The following PAX3 variants were observed in gnomAD, a reference collection of about 807,000 sequenced individuals.
PAX3 encodes paired box protein Pax-3.
In PAX3, 14 loss-of-function variants were observed where a neutral mutation model predicts 51.6. The ratio of observed to expected loss-of-function variants is 0.27; its 90% confidence interval spans 0.18 to 0.42. The LOEUF is 0.42. PAX3 is among the 10% of genes least tolerant of loss of function. PAX3 has a pLI of 1.00. For missense variants in PAX3, 540 were observed against 642.8 expected (o/e 0.84, Z 1.73); for synonymous variants, 280 against 253.4 (o/e 1.11, Z -1.00).
intron 4 of PAX3, among the ~76,000 whole-genome samples, chr2:222,256,705 T>C (rs1478512412): frequency 2.0e-5 from 3 of 152,228 alleles, no homozygotes; most frequent in African/African-American, 7.2e-5. Context: ...CTAAACATCA[T>C]AAAGTGAATA....
intron 4 of PAX3, among the ~76,000 whole-genome samples, chr2:222,266,438 C>T (rs1430650): frequency 2.0e-5 from 3 of 152,298 alleles, no homozygotes; most frequent in African/African-American, 7.2e-5. Context: ...TATAGAGCTA[C>T]CAGCTGCAGA....
chr2:222,293,415 A>G (rs966309232), intron 4 of PAX3, among the ~76,000 whole-genome samples: 1 of 150,580 alleles, frequency 6.6e-6, no homozygotes, highest in African/African-American at 2.4e-5. Flanking sequence ...AGCAAGCTGC[A>G]CTTCTGTCTC....
At chr2:222,294,753 T>TC in intron 3 of PAX3, among the ~76,000 whole-genome samples, 1 of 94,992 alleles carries the variant, frequency 1.1e-5, no homozygotes. Context: ...AGCCGACTTG[T>TC]CCGCGCCCCC....
At chr2:222,280,178 T>G (rs1309523056) in intron 4 of PAX3, among the ~76,000 whole-genome samples, 1 of 151,042 alleles carries the variant, frequency 6.6e-6, no homozygotes, top group Non-Finnish European at 1.5e-5. Context: ...GCTGTTGCAC[T>G]GCAGCCTGGG....
rs750407449 is a variant in PAX3, at chr2:222,220,352, C to T, written c.961G>A (p.Val321Met). ...TGAACGGTGCTGCTGGGATCTGACACAGCTGAAATGAAAAAGATTGTCAAC... is the reference window on the plus strand; with the variant it reads ...TGAACGGTGCTGCTGGGATCTGACATAGCTGAAATGAAAAAGATTGTCAAC... ...SYQPTSIPQA[V>M]SDPSSTVHRP... Residue 321 changes from valine to methionine, a missense_variant and splice_region_variant, in exon 7 of 9, where the codon GTG becomes ATG. Around this residue, in one of 3 missense-constraint regions of PAX3, gnomAD observed 427 missense variants for 483.6 expected, o/e 0.88. Coordinates refer to ENST00000392070, the MANE Select transcript of PAX3 (RefSeq NM_181458.4). 2.5e-6 allele frequency: 4 copies of T among 1,613,848 alleles called. No homozygotes were observed. The highest frequency in any genetic ancestry group is 3.4e-6 in the Non-Finnish European group (4 of 1,179,806).
At chr2:222,255,360 C>A (rs1693599512) in intron 4 of PAX3, among the ~76,000 whole-genome samples, 1 of 152,134 alleles carries the variant, frequency 6.6e-6, no homozygotes, top group African/African-American at 2.4e-5. Flanking sequence ...GCTGGAGAAT[C>A]CCCACTAGGT....
At chr2:222,281,531 A>G (rs1694646432) in intron 4 of PAX3, among the ~76,000 whole-genome samples, 1 of 152,220 alleles carries the variant, frequency 6.6e-6, no homozygotes, top group African/African-American at 2.4e-5. Context: ...CAGTCTGATG[A>G]TCTGTCAGTA....
intron 4 of PAX3, among the ~76,000 whole-genome samples, chr2:222,254,812 T>C (rs1054901213): frequency 1.4e-4 from 21 of 152,194 alleles, no homozygotes; most frequent in African/African-American, 4.8e-4. Context: ...AGACTTAGTC[T>C]TGCTCTATTG....
At chr2:222,222,328 C>T (rs1251052975) in intron 5 of PAX3, among the ~76,000 whole-genome samples, 2 of 152,080 alleles carry the variant, frequency 1.3e-5, no homozygotes, top group East Asian at 3.9e-4. Flanking sequence ...ACGGAGCACA[C>T]ATGATGTTTC....
chr2:222,235,258 G>A (rs1308465624), intron 4 of PAX3, among the ~76,000 whole-genome samples: 1 of 152,092 alleles, frequency 6.6e-6, no homozygotes, highest in Non-Finnish European at 1.5e-5. Context: ...ATATAAACTG[G>A]GTGAGCTCAA....
chr2:222,291,446 T>C (rs1369754839), intron 4 of PAX3, among the ~76,000 whole-genome samples: 1 of 152,156 alleles, frequency 6.6e-6, no homozygotes, highest in Non-Finnish European at 1.5e-5. Flanking sequence ...GCTCAGCTCT[T>C]GAATTGAGCG....
In PAX3 at chr2:222,297,080, C is replaced by T. The variant is rs1695339903; in HGVS notation, c.219G>A (p.Ser73=). The change falls in exon 2 of 9, where the codon TCG becomes TCA. Residue 73 remains serine (S), a synonymous_variant. Coordinates refer to ENST00000392070, the MANE Select transcript of PAX3 (RefSeq NM_181458.4). ...AHHGIRPCVI[S]RQLRVSHGCV... ...AGCCGTGGGACACGCGCAGCTGGCG[C>T]GAGATGACGCAGGGCCGGATGCCGT... The T allele has an allele frequency of 3.7e-6, 6 of 1,614,028 alleles. No homozygotes were observed. The highest frequency in any genetic ancestry group is 5.1e-6 in the Non-Finnish European group (6 of 1,180,024).
intron 4 of PAX3, chr2:222,293,627 C>G: frequency 6.2e-7 from 1 of 1,613,372 alleles, no homozygotes; most frequent in Non-Finnish European, 8.5e-7. Flanking sequence ...TCAAACAAAT[C>G]AAACCAGTCA....
chr2:222,288,072 G>A (rs45596033), intron 4 of PAX3, among the ~76,000 whole-genome samples: 158 of 152,288 alleles, frequency 1.0e-3, no homozygotes, highest in African/African-American at 3.6e-3. Flanking sequence ...AGATTCGTTT[G>A]CAGGATTTTT....
chr2:222,297,139 G>A lies in PAX3; in HGVS notation c.160C>T (p.His54Tyr). 6.2e-7 allele frequency: 1 copy of A among 1,609,468 alleles called. No individual in the cohort carries two copies. Among genetic ancestry groups the A allele is most frequent in the Non-Finnish European group, 8.5e-7 (1 of 1,178,398 alleles). The change falls in exon 2 of 9, where the codon CAC becomes TAC. Residue 54 changes from histidine (H) to tyrosine (Y), a missense_variant. Physicochemically the swap from His to Tyr is moderately conservative, Grantham distance 83. Transcript: ENST00000392070. ...ATCTCCACGATCTTGTGGCGGATGT[G>A]GTTGGGCAGCGGCCTGCCGTTGATA... ...VFINGRPLPN[H>Y]IRHKIVEMAH...
chr2:222,270,369 GTT>G (rs947147960), intron 4 of PAX3, among the ~76,000 whole-genome samples: 9 of 152,186 alleles, frequency 5.9e-5, no homozygotes, highest in African/African-American at 1.9e-4. Flanking sequence ...GGTAAACAGA[GTT>G]TATGTTACCC....
intron 4 of PAX3, among the ~76,000 whole-genome samples, chr2:222,257,719 AGGGCCCTTCGCATCTGACAGCAG>A (rs1386157360): frequency 8.5e-5 from 13 of 152,250 alleles, no homozygotes; most frequent in Non-Finnish European, 1.8e-4. Context: ...TAAAGACTAG[AGGGCCCTTCGCATCTGACAGCAG>A]GGCAGAAGTC....
In PAX3 at chr2:222,201,249, G is replaced by A. The variant is rs1691277940; in HGVS notation, c.*159C>T. 2 of 1,613,944 alleles carry A rather than the reference G, an allele frequency of 1.2e-6. No individual in the cohort carries two copies. The highest frequency in any genetic ancestry group is 1.7e-6 in the Non-Finnish European group (2 of 1,179,948). ...AAAGGATTTGAAACCAACTATTGGA[G>A]GAAGAAAATCAATCACTCTCCTTTG... On this transcript the variant is annotated 3_prime_UTR_variant, in exon 9 of 9. Transcript: ENST00000392070.
chr2:222,257,458 C>T (rs749241706), intron 4 of PAX3, among the ~76,000 whole-genome samples: 2 of 152,098 alleles, frequency 1.3e-5, no homozygotes, highest in Non-Finnish European at 2.9e-5. Context: ...AGTGAATGCT[C>T]AAAAAATAAT....
Sources: allele counts gnomAD v4.1 joint callset (sites outside exome capture counted in the v4.1 genomes callset), GRCh38; gene constraint gnomAD v4.1.1; regional missense constraint gnomAD v4.1.1; transcripts MANE v1.5; gene names NCBI Gene and HGNC (gene_info 2026-07-23, HGNC 2026-07-21).